The following MYO1H variants were observed in gnomAD, a reference collection of about 807,000 sequenced individuals.
MYO1H encodes the protein myosin IH.
A neutral mutation model predicts 149.3 loss-of-function variants in MYO1H; 118 were observed. That is an observed-to-expected ratio of 0.79 (90% CI 0.68 to 0.92). The LOEUF is 0.92. Ranked by LOEUF, MYO1H falls within the 40% of genes least tolerant of loss-of-function variation. The pLI, the probability that MYO1H is intolerant of heterozygous loss-of-function variation, is 0.00. For synonymous variants in MYO1H, 447 were observed against 465.2 expected, an observed-to-expected ratio of 0.96 and a Z score of 0.50; for missense variants, 1,212 against 1,280.7, an observed-to-expected ratio of 0.95 and a Z score of 0.82.
At chr12:109,382,565 G>T (rs565516608) in intron 1 of MYO1H, among the ~76,000 whole-genome samples, 1 of 152,126 alleles carries the variant, frequency 6.6e-6, no homozygotes, top group East Asian at 1.9e-4. Flanking sequence ...AATTATTATG[G>T]TATTCTTTAT....
intron 24 of MYO1H, among the ~76,000 whole-genome samples, chr12:109,440,021 T>C (rs2135599735): frequency 6.6e-6 from 1 of 152,052 alleles, no homozygotes; most frequent in Non-Finnish European, 1.5e-5. Flanking sequence ...CCACTGGAGG[T>C]TGTTTAAACA....
chr12:109,430,755 GTC>G (rs1871576049), intron 19 of MYO1H, among the ~76,000 whole-genome samples: 1 of 151,918 alleles, frequency 6.6e-6, no homozygotes, highest in South Asian at 2.1e-4. Context: ...GAGAAACCCT[GTC>G]TCTACTAAAA....
In MYO1H at chr12:109,350,671, C is replaced by T. The variant is rs1868444845; in HGVS notation, c.12+2699C>T. Reference sequence around the variant, plus strand: ...GAGGAAGAGACTCATGGCTTATATCCATGTTCATTCAATATTTATAGAAGG... The same window carrying T: ...GAGGAAGAGACTCATGGCTTATATCTATGTTCATTCAATATTTATAGAAGG... On this transcript the variant is annotated intron_variant, in intron 1 of 31. Coordinates refer to ENST00000310903, the Ensembl canonical transcript of MYO1H. Among the ~76,000 whole-genome samples the T allele has an allele frequency of 2.0e-5, 3 of 152,308 alleles. No homozygotes were observed. In the South Asian group the frequency reaches 6.2e-4, roughly 32 times the overall value.
Position 109,447,139 on chromosome 12 carries a change from G to C in MYO1H, c.3094-20G>C. 3 of 1,593,924 alleles carry C rather than the reference G, an allele frequency of 1.9e-6. No individual in the cohort carries two copies. The highest frequency in any genetic ancestry group is 2.6e-6 in the Non-Finnish European group (3 of 1,169,254). On this transcript the variant is annotated intron_variant, in intron 31 of 31. Transcript: ENST00000310903. ...AGGGAGCGGGGAAGGGCTGTAAACC[G>C]AAGTGTGACTCTCTCCCAGGTGTCA...
chr12:109,348,025 C>T (rs1014353831), intron 1 of MYO1H, 53 bp downstream of exon 1: 6 of 398,926 alleles, frequency 1.5e-5, no homozygotes, highest in Non-Finnish European at 2.2e-5. Flanking sequence ...CTCTTTTCTA[C>T]CAAGAACTTT....
chr12:109,312,820 A>G, the MYO1H span, among the ~76,000 whole-genome samples: 541 of 149,756 alleles, frequency 3.6e-3, 3 homozygotes, highest in Admixed American at 8.3e-3. Flanking sequence ...GAACCATTAA[A>G]TTAGAACCCT....
At chr12:109,336,640 A>G in the MYO1H span, among the ~76,000 whole-genome samples, 1 of 152,230 alleles carries the variant, frequency 6.6e-6, no homozygotes, top group African/African-American at 2.4e-5. Flanking sequence ...CAGACATTAA[A>G]AGAAAAAATC....
chr12:109,392,320 G>A (rs1186119339), intron 2 of MYO1H, among the ~76,000 whole-genome samples: 1 of 152,196 alleles, frequency 6.6e-6, no homozygotes, highest in Admixed American at 6.5e-5. Flanking sequence ...GGCCTCTCAT[G>A]CCCCTAGCCT....
At chr12:109,377,219 ATAGTT>A (rs1869103007) in intron 1 of MYO1H, among the ~76,000 whole-genome samples, 1 of 152,218 alleles carries the variant, frequency 6.6e-6, no homozygotes, top group Admixed American at 6.5e-5. Context: ...TTGAGGCTGA[ATAGTT>A]TATAAAGAAA....
At chr12:109,399,652 C>T (rs928896897) in intron 5 of MYO1H, among the ~76,000 whole-genome samples, 1 of 150,874 alleles carries the variant, frequency 6.6e-6, no homozygotes, top group Non-Finnish European at 1.5e-5. Context: ...TGACTCACAC[C>T]TGTAATCCCA....
rs374844088 is a variant in MYO1H at position 109,443,082 on chromosome 12, G to A, written c.2689-432G>A. 6.1e-3 allele frequency among the ~76,000 whole-genome samples: 301 copies of A among 49,664 alleles called. 46 individuals carry two copies. Among genetic ancestry groups the A allele is most frequent in the African/African-American group, 0.03 (238 of 7,850 alleles). The allele number at this position is 49,664 out of a possible 152,430, so 32.6% of individuals were successfully genotyped here. On this transcript the variant is annotated intron_variant, in intron 27 of 31. Coordinates refer to ENST00000310903, the Ensembl canonical transcript of MYO1H. ...TACGTATGTGTGTATATATGTGTAC[G>A]TATGTGTGTATATATGTGTACGTAT...
At chr12:109,445,682 T>G in intron 31 of MYO1H, 70 bp downstream of exon 31, 16 of 1,546,518 alleles carry the variant, frequency 1.0e-5, no homozygotes, top group Non-Finnish European at 1.1e-5. Context: ...TCTACCAATT[T>G]CAGTCCTGTA....
chr12:109,367,344 G>A (rs1469224354), intron 1 of MYO1H, among the ~76,000 whole-genome samples: 2 of 152,032 alleles, frequency 1.3e-5, no homozygotes, highest in African/African-American at 2.4e-5. Flanking sequence ...ACAAAAGCCC[G>A]TCACCTGTAC....
chr12:109,368,640 T>TAAGAAAAAAA (rs1868917870), intron 1 of MYO1H, among the ~76,000 whole-genome samples: 1 of 113,212 alleles, frequency 8.8e-6, no homozygotes, highest in African/African-American at 3.2e-5. Context: ...GACTCCATCT[T>TAAGAAAAAAA]AAAAAAAAAA....
chr12:109,312,907 G>A, the MYO1H span, among the ~76,000 whole-genome samples: 1 of 150,396 alleles, frequency 6.6e-6, no homozygotes, highest in African/African-American at 2.4e-5. Context: ...CCCTTGCTTT[G>A]TCAATTCCTA....
chr12:109,413,451 G>A lies in MYO1H; in HGVS notation c.1502+1466G>A, dbSNP rs564299083. ...TTTCTCAGACCTGTTGTAGAATACT[G>A]AAAGGATATAAGTAAATGAAATTGC... is the stretch of plus-strand genomic sequence containing the variant. On this transcript the variant is annotated intron_variant, in intron 14 of 31. Coordinates refer to ENST00000310903, the Ensembl canonical transcript of MYO1H. Among the ~76,000 whole-genome samples the A allele has an allele frequency of 2.0e-5, 3 of 152,326 alleles. No homozygotes were observed. The East Asian group carries it at 5.8e-4, about 29-fold the overall frequency.
the MYO1H span, among the ~76,000 whole-genome samples, chr12:109,335,843 TAATA>T: frequency 6.6e-5 from 10 of 152,338 alleles, no homozygotes; most frequent in African/African-American, 2.2e-4. Flanking sequence ...CATTTTCTGT[TAATA>T]AATCAATAGG....
intron 15 of MYO1H, among the ~76,000 whole-genome samples, chr12:109,419,734 TAG>T (rs1380136189): frequency 1.3e-5 from 2 of 152,012 alleles, no homozygotes; most frequent in African/African-American, 4.8e-5. Context: ...AATATTTGTG[TAG>T]AGACAGGCTA....
chr12:109,314,227 T>TA, the MYO1H span, among the ~76,000 whole-genome samples: 4 of 147,802 alleles, frequency 2.7e-5, no homozygotes, highest in Non-Finnish European at 4.5e-5. Flanking sequence ...TTTTTTTTTT[T>TA]AAGCTTTTTA....
Sources: gnomAD v4.1 joint callset for allele counts (sites outside exome capture counted in the v4.1 genomes callset) on GRCh38, gnomAD v4.1.1 for gene constraint, MANE v1.5 for transcripts, NCBI Gene and HGNC (gene_info 2026-07-23, HGNC 2026-07-21) for gene names.